The following TGM7 variants were observed in gnomAD, a reference collection of about 807,000 sequenced individuals.
The protein encoded by TGM7 is transglutaminase 7.
A neutral mutation model predicts 79.5 loss-of-function variants in TGM7; 74 were observed. The observed-to-expected ratio is 0.93, with a 90% CI of 0.77 to 1.13. The LOEUF (loss-of-function observed/expected upper bound fraction) is 1.13, where lower values mean the gene tolerates loss of function less well. Among genes scored for constraint, TGM7 ranks in the 50% most tolerant of loss-of-function variants. The pLI is 0.00. For missense variants in TGM7, 912 were observed against 905.9 expected (o/e 1.01, Z -0.09); for synonymous variants, 354 against 362.5 (o/e 0.98, Z 0.27).
At chr15:43,287,135 C>T in intron 6 of TGM7, 145 bp downstream of exon 6, 10 of 863,688 alleles carry the variant, frequency 1.2e-5, no homozygotes, top group African/African-American at 1.7e-5. Flanking sequence ...TCCCTCGAGA[C>T]TGTATGGTGT....
At chr15:43,298,632 A>G (rs2043011859) in intron 1 of TGM7, among the ~76,000 whole-genome samples, 1 of 152,228 alleles carries the variant, frequency 6.6e-6, no homozygotes, top group South Asian at 2.1e-4. Flanking sequence ...GGGTGCCTGT[A>G]GTCCCAGCTG....
chr15:43,296,185 G>T (rs2042991148), intron 1 of TGM7, among the ~76,000 whole-genome samples: 1 of 152,196 alleles, frequency 6.6e-6, no homozygotes, highest in African/African-American at 2.4e-5. Context: ...CAGCACTTTG[G>T]GAGGCCAAGG....
In TGM7 at chr15:43,279,097, C is replaced by CA; in HGVS notation, c.1839+19dup. On this transcript the variant is annotated intron_variant, in intron 11 of 12. Transcript: ENST00000452443. ...GTGAGTCAGAGAGCCTCAGAGCCCC[C>CA]ACCCATGTCCAGACACTACCTCAAT... 1 of 1,601,904 alleles carries CA rather than the reference C, an allele frequency of 6.2e-7. No homozygotes were observed. Among genetic ancestry groups the CA allele is most frequent in the East Asian group, 2.2e-5 (1 of 44,712 alleles).
chr15:43,302,108 C>T (rs967878000), intron 1 of TGM7, 133 bp downstream of exon 1: 10 of 990,432 alleles, frequency 1.0e-5, no homozygotes, highest in Admixed American at 3.5e-5. Context: ...AAGAAGGAGC[C>T]GTATTGCACA....
At chr15:43,298,687 A>G (rs2043012147) in intron 1 of TGM7, among the ~76,000 whole-genome samples, 1 of 152,114 alleles carries the variant, frequency 6.6e-6, no homozygotes, top group African/African-American at 2.4e-5. Context: ...CGGGAGGCGG[A>G]GGTTGCAGTG....
At chr15:43,289,756 C>G (rs1325232587) in intron 4 of TGM7, among the ~76,000 whole-genome samples, 1 of 152,176 alleles carries the variant, frequency 6.6e-6, no homozygotes, top group Non-Finnish European at 1.5e-5. Flanking sequence ...GATCGCCATT[C>G]TAACTGGTGT....
intron 1 of TGM7, among the ~76,000 whole-genome samples, chr15:43,294,943 G>C (rs1434150057): frequency 6.6e-6 from 1 of 151,844 alleles, no homozygotes; most frequent in Non-Finnish European, 1.5e-5. Context: ...CTGCAGCCCG[G>C]CTGGAGTGCA....
intron 11 of TGM7, among the ~76,000 whole-genome samples, chr15:43,277,430 G>A (rs2042883724): frequency 6.6e-6 from 1 of 152,180 alleles, no homozygotes; most frequent in South Asian, 2.1e-4. Context: ...CATCAGTGAT[G>A]TCATCCTGCC....
At chr15:43,286,572 C>A (rs1373735493) in intron 6 of TGM7, among the ~76,000 whole-genome samples, 1 of 152,184 alleles carries the variant, frequency 6.6e-6, no homozygotes, top group Non-Finnish European at 1.5e-5. Context: ...TCTTTGGCAC[C>A]TGTCTCTGTC....
In TGM7 at chr15:43,292,886, C is replaced by G; in HGVS notation, c.262G>C (p.Val88Leu). Reference protein sequence around the residue: ...FFLTRVQPGNVWSASDFTIDS... With the variant: ...FFLTRVQPGNLWSASDFTIDS... The stretch of plus-strand genomic sequence containing the variant: ...ATGGTGAAATCAGAAGCGCTCCAGA[C>G]ATTCCCGGGCTGGACCCGGGTGAGG... Residue 88 changes from valine to leucine, a missense_variant, in exon 3 of 13, where the codon GTC (valine) becomes CTC (leucine). Val to Leu is a conservative substitution (Grantham distance 32). Transcript: ENST00000452443. 1 of 1,614,008 alleles carries G rather than the reference C, an allele frequency of 6.2e-7. No homozygotes were observed. Among genetic ancestry groups the G allele is most frequent in the Non-Finnish European group, 8.5e-7 (1 of 1,180,002 alleles).
intron 12 of TGM7, 88 bp downstream of exon 12, chr15:43,276,774 C>A: frequency 6.4e-7 from 1 of 1,565,250 alleles, no homozygotes; most frequent in Non-Finnish European, 8.7e-7. Context: ...AGAGGCACTG[C>A]ACAGGAGACT....
chr15:43,288,856 G>A (rs1279036934), intron 4 of TGM7, among the ~76,000 whole-genome samples: 3 of 152,112 alleles, frequency 2.0e-5, no homozygotes, highest in Non-Finnish European at 4.4e-5. Flanking sequence ...CTTGAACCCA[G>A]GAGGTTGCAG....
At chr15:43,279,060 C>A in intron 11 of TGM7, 57 bp downstream of exon 11, 2 of 1,560,278 alleles carry the variant, frequency 1.3e-6, no homozygotes, top group Non-Finnish European at 1.7e-6. Context: ...TGCACCCCAG[C>A]CCCTGGATTG....
At chr15:43,294,896 C>G (rs1409548241) in intron 1 of TGM7, among the ~76,000 whole-genome samples, 1 of 150,782 alleles carries the variant, frequency 6.6e-6, no homozygotes, top group Non-Finnish European at 1.5e-5. Context: ...TCCTACCTAT[C>G]TTGATCCTTT....
intron 9 of TGM7, 59 bp downstream of exon 9, chr15:43,281,785 G>T: frequency 6.3e-7 from 1 of 1,592,780 alleles, no homozygotes; most frequent in Non-Finnish European, 8.6e-7. Flanking sequence ...AGCCATCCCA[G>T]CTAGGAAGCA....
At chr15:43,297,385 G>A (rs147989588) in intron 1 of TGM7, among the ~76,000 whole-genome samples, 1,706 of 151,714 alleles carry the variant, frequency 0.011, 25 homozygotes, top group African/African-American at 0.039. Context: ...CCTGGGAGGC[G>A]GAGTTTGCAG....
At chr15:43,295,907 A>G (rs1212284966) in intron 1 of TGM7, among the ~76,000 whole-genome samples, 1 of 152,236 alleles carries the variant, frequency 6.6e-6, no homozygotes, top group Non-Finnish European at 1.5e-5. Context: ...TTGGAACCAG[A>G]AAATTTAGAG....
In TGM7 at chr15:43,287,646, G is replaced by A; in HGVS notation, c.582C>T (p.Ile194=). The change falls in exon 5 of 13, where the codon ATC becomes ATT. Residue 194 remains isoleucine, a synonymous_variant. Transcript: ENST00000452443. Reference sequence around the variant, plus strand: ...GGCTCTTGTTCAGGATCTCAAAGCAGATGTCTATGATGTCCTCTTCAAACT... The same window carrying A: ...GGCTCTTGTTCAGGATCTCAAAGCAAATGTCTATGATGTCCTCTTCAAACT... ...YGQFEEDIID[I]CFEILNKSLY... is the part of the protein sequence containing the mutation. The A allele has an allele frequency of 1.2e-6, 2 of 1,613,420 alleles. No individual in the cohort carries two copies. The highest frequency in any genetic ancestry group is 8.5e-7 in the Non-Finnish European group (1 of 1,179,826).
intron 1 of TGM7, among the ~76,000 whole-genome samples, chr15:43,295,446 C>T (rs1271617421): frequency 2.0e-5 from 3 of 152,092 alleles, no homozygotes; most frequent in Non-Finnish European, 4.4e-5. Context: ...AAAAATTAGC[C>T]AGGCCTGGTG....
Sources: gnomAD v4.1 joint callset for allele counts (sites outside exome capture counted in the v4.1 genomes callset) on GRCh38, gnomAD v4.1.1 for gene constraint, MANE v1.5 for transcripts, NCBI Gene and HGNC (gene_info 2026-07-23, HGNC 2026-07-21) for gene names.